The following ARID4B variants were observed in gnomAD, a reference collection of about 807,000 sequenced individuals.
ARID4B encodes the protein AT-rich interactive domain-containing protein 4B.
Under a neutral mutation model 147.5 loss-of-function variants are expected in ARID4B, and 26 were observed. That is an observed-to-expected ratio of 0.18 (90% CI 0.13 to 0.24). The LOEUF (loss-of-function observed/expected upper bound fraction) is 0.24. Among genes scored for constraint, ARID4B ranks in the 10% least tolerant of loss-of-function variants. The pLI, the probability that ARID4B is intolerant of heterozygous loss-of-function variation, is 1.00. For missense variants in ARID4B, 1,179 were observed against 1,511.5 expected (o/e 0.78, Z 3.65); for synonymous variants, 512 against 507.9 (o/e 1.01, Z -0.11).
intron 2 of ARID4B, among the ~76,000 whole-genome samples, chr1:235,301,375 A>G (rs1673127898): frequency 6.6e-6 from 1 of 151,412 alleles, no homozygotes; most frequent in African/African-American, 2.4e-5. Context: ...TTGTCTTTAC[A>G]AAAAATACAA....
Position 235,240,394 on chromosome 1 carries a change from C to G in ARID4B, c.504G>C (p.Gln168His). 2 of 1,613,514 alleles carry G rather than the reference C, an allele frequency of 1.2e-6. No individual in the cohort carries two copies. The highest frequency in any genetic ancestry group is 1.7e-6 in the Non-Finnish European group (2 of 1,179,622). ...CAACTTTGCCTAGTAGCTCATCAAT[C>G]TGTTTCCTATCATCCTCATCTTCAT... ...SSDEDEDDRK[Q>H]IDELLGKVVC... is the part of the protein sequence containing the mutation. Residue 168 changes from glutamine (Q) to histidine (H), a missense_variant, in exon 8 of 24, where the codon CAG becomes CAC. Coordinates refer to ENST00000264183, the MANE Select transcript of ARID4B (RefSeq NM_016374.6).
intron 2 of ARID4B, among the ~76,000 whole-genome samples, chr1:235,277,187 A>G (rs1441738367): frequency 6.6e-6 from 1 of 152,096 alleles, no homozygotes; most frequent in Non-Finnish European, 1.5e-5. Flanking sequence ...CCAAAGGTGC[A>G]ACAAGACATG....
At chr1:235,301,166 G>A (rs1460463192) in intron 2 of ARID4B, among the ~76,000 whole-genome samples, 2 of 149,836 alleles carry the variant, frequency 1.3e-5, no homozygotes, top group South Asian at 2.1e-4. Context: ...GATTATAGGC[G>A]TGAGCCACCA....
At chr1:235,235,645 T>A (rs993497079) in intron 8 of ARID4B, among the ~76,000 whole-genome samples, 1 of 152,128 alleles carries the variant, frequency 6.6e-6, no homozygotes, top group African/African-American at 2.4e-5. Context: ...GAGATCACCG[T>A]AAAGAAAATA....
At chr1:235,279,777 T>G (rs767195890) in intron 2 of ARID4B, among the ~76,000 whole-genome samples, 3 of 152,144 alleles carry the variant, frequency 2.0e-5, no homozygotes, top group Non-Finnish European at 2.9e-5. Context: ...AGTCTAGAAT[T>G]TGATATATGC....
intron 2 of ARID4B, among the ~76,000 whole-genome samples, chr1:235,298,321 T>G (rs1336315614): frequency 1.3e-5 from 2 of 152,088 alleles, no homozygotes; most frequent in Non-Finnish European, 2.9e-5. Context: ...GCATGTTTGT[T>G]ACCATGAAGT....
intron 19 of ARID4B, among the ~76,000 whole-genome samples, chr1:235,192,806 A>T (rs1665205647): frequency 6.6e-6 from 1 of 152,150 alleles, no homozygotes; most frequent in Admixed American, 6.5e-5. Flanking sequence ...TAATCCCATC[A>T]TAAAAGAGGT....
At chr1:235,214,114 G>A in intron 16 of ARID4B, 88 bp from the exon 17 acceptor site, 1 of 1,468,974 alleles carries the variant, frequency 6.8e-7, no homozygotes, top group African/African-American at 1.4e-5. Context: ...AAAAGTTGTG[G>A]CTGTGATTGT....
Position 235,181,754 on chromosome 1 carries a change from T to A in ARID4B, c.3165A>T (p.Gln1055His). 6.2e-7 allele frequency: 1 copy of A among 1,614,160 alleles called. No homozygotes were observed. The highest frequency in any genetic ancestry group is 8.5e-7 in the Non-Finnish European group (1 of 1,180,022). ...CACTCTTGATACTTCGAACCTCTTC[T>A]TGGTTTGGAGCCAGTGGTTCTGATA... ...VTVSEPLAPN[Q>H]EEVRSIKSET... is the part of the protein sequence containing the mutation. The change falls in exon 20 of 24, where the codon CAA becomes CAT. Residue 1055 changes from glutamine to histidine, a missense_variant. By Grantham distance (24) the Gln-to-His change is conservative. Coordinates refer to ENST00000264183, the MANE Select transcript of ARID4B (RefSeq NM_016374.6).
chr1:235,242,327 A>C (rs1198847474), intron 7 of ARID4B, among the ~76,000 whole-genome samples: 1 of 152,208 alleles, frequency 6.6e-6, no homozygotes, highest in Non-Finnish European at 1.5e-5. Context: ...GGTAACAATA[A>C]GAAAACTCAA....
At chr1:235,291,983 G>A (rs1672368250) in intron 2 of ARID4B, among the ~76,000 whole-genome samples, 1 of 152,144 alleles carries the variant, frequency 6.6e-6, no homozygotes, top group African/African-American at 2.4e-5. Flanking sequence ...TTAACAATTG[G>A]AGGTAAAAGG....
At chr1:235,309,546 AG>A (rs1673887039) in intron 2 of ARID4B, among the ~76,000 whole-genome samples, 1 of 141,126 alleles carries the variant, frequency 7.1e-6, no homozygotes, top group East Asian at 2.2e-4. Context: ...TCCGGGAGGG[AG>A]GTGGGGGGGT....
intron 13 of ARID4B, among the ~76,000 whole-genome samples, chr1:235,222,288 G>C (rs1667522980): frequency 6.6e-6 from 1 of 152,060 alleles, no homozygotes; most frequent in African/African-American, 2.4e-5. Flanking sequence ...TTTTAACAAA[G>C]AAATGGAGAC....
intron 8 of ARID4B, among the ~76,000 whole-genome samples, chr1:235,238,153 A>AAAAAAAAAAAAAAAAG (rs61179792): frequency 2.1e-5 from 3 of 141,762 alleles, no homozygotes; most frequent in African/African-American, 8.5e-5. Flanking sequence ...CAAAAAAAAA[A>AAAAAAAAAAAAAAAAG]AAAAGAAAAG....
Position 235,196,467 on chromosome 1 carries a change from A to C in ARID4B, c.1842-352T>G, listed in dbSNP as rs10924870. 2.0e-5 allele frequency among the ~76,000 whole-genome samples: 3 copies of C among 151,940 alleles called. No homozygotes were observed. In the East Asian group the frequency reaches 5.8e-4, roughly 29 times the overall value. On this transcript the variant is annotated intron_variant, in intron 17 of 23. Transcript: ENST00000264183. ...TCTACATTTTGTTTTACTTTGTTTC[A>C]TTCTTAAGCAGCAGGTAGGCAATTT...
intron 2 of ARID4B, among the ~76,000 whole-genome samples, chr1:235,291,004 T>C (rs1672302138): frequency 6.6e-6 from 1 of 152,028 alleles, no homozygotes; most frequent in Admixed American, 6.6e-5. Flanking sequence ...GAGGCTGAGG[T>C]TGGAAGATTG....
At chr1:235,201,467 G>A (rs1665913262) in intron 17 of ARID4B, among the ~76,000 whole-genome samples, 1 of 152,026 alleles carries the variant, frequency 6.6e-6, no homozygotes, top group Non-Finnish European at 1.5e-5. Context: ...GGGACTCCAG[G>A]CATTCACCAC....
intron 2 of ARID4B, among the ~76,000 whole-genome samples, chr1:235,321,094 G>A (rs1424665018): frequency 6.6e-6 from 1 of 152,098 alleles, no homozygotes; most frequent in African/African-American, 2.4e-5. Context: ...TCCGGTACAA[G>A]GAAAGTACAC....
At chr1:235,319,504 A>G (rs923265025) in intron 2 of ARID4B, among the ~76,000 whole-genome samples, 11 of 152,202 alleles carry the variant, frequency 7.2e-5, no homozygotes, top group Admixed American at 1.3e-4. Context: ...GACTGTGGCC[A>G]TGTCTCAAAA....
Sources: allele counts gnomAD v4.1 joint callset (sites outside exome capture counted in the v4.1 genomes callset), GRCh38; gene constraint gnomAD v4.1.1; transcripts MANE v1.5; gene names NCBI Gene and HGNC (gene_info 2026-07-23, HGNC 2026-07-21).